CLOCK: variants seen among roughly 807,000 people sequenced by gnomAD.
CLOCK encodes clock circadian regulator.
CLOCK carries 43 observed loss-of-function variants against 118.4 expected under a neutral mutation model. That is an observed-to-expected ratio of 0.36 (90% CI 0.28 to 0.47). The LOEUF (loss-of-function observed/expected upper bound fraction) is 0.47, where lower values mean the gene tolerates loss of function less well. CLOCK is among the 20% of genes least tolerant of loss of function. The probability of loss-of-function intolerance (pLI) is 1.00; values close to 1 mark genes in which losing one functional copy is unlikely to be tolerated. For missense variants in CLOCK, 846 were observed against 999.9 expected, an observed-to-expected ratio of 0.85 and a Z score of 2.08; for synonymous variants, 326 against 339.2, an observed-to-expected ratio of 0.96 and a Z score of 0.43.
At chr4:55,498,480 T>C (rs1263467170) in intron 2 of CLOCK, among the ~76,000 whole-genome samples, 2 of 152,146 alleles carry the variant, frequency 1.3e-5, no homozygotes, top group Non-Finnish European at 2.9e-5. Flanking sequence ...TAGGAAAAAA[T>C]GTAATCCCTT....
At chr4:55,459,794 G>A (rs959439963) in intron 9 of CLOCK, among the ~76,000 whole-genome samples, 7 of 151,928 alleles carry the variant, frequency 4.6e-5, no homozygotes, top group African/African-American at 7.3e-5. Flanking sequence ...TCCCAAGTAC[G>A]CAAGACTACA....
chr4:55,457,684 C>A (rs1043260482), intron 11 of CLOCK, among the ~76,000 whole-genome samples: 1 of 152,216 alleles, frequency 6.6e-6, no homozygotes, highest in Non-Finnish European at 1.5e-5. Flanking sequence ...TAACCCTAGA[C>A]TCTAGTCATA....
At position 55,534,108 on chromosome 4, in the gene CLOCK, G is replaced by T. The variant is rs576133081; in HGVS notation, c.-290+12674C>A. Among the ~76,000 whole-genome samples, 5 of 152,252 alleles carry T rather than the reference G, an allele frequency of 3.3e-5. No homozygotes were observed. The East Asian group carries it at 7.7e-4, about 24-fold the overall frequency. ...ATTTGTTTGCCATTTAATCTAGCTT[G>T]TACTACCCTATGATTAACAGCACTG... On this transcript the variant is annotated intron_variant, in intron 1 of 22. Coordinates refer to ENST00000513440, the MANE Select transcript of CLOCK (RefSeq NM_004898.4).
intron 1 of CLOCK, among the ~76,000 whole-genome samples, chr4:55,542,053 C>A (rs1731302316): frequency 6.6e-6 from 1 of 151,178 alleles, no homozygotes; most frequent in African/African-American, 2.4e-5. Context: ...AATGTCTATG[C>A]TTTTCAGTTG....
At chr4:55,466,446 T>C (rs1029864801) in intron 8 of CLOCK, among the ~76,000 whole-genome samples, 7 of 152,298 alleles carry the variant, frequency 4.6e-5, no homozygotes, top group East Asian at 3.9e-4. Context: ...ATCATCTTAA[T>C]AGAAAAACAT....
At chr4:55,475,934 A>C in intron 7 of CLOCK, 29 bp downstream of exon 7, 6 of 1,509,562 alleles carry the variant, frequency 4.0e-6, no homozygotes, top group Non-Finnish European at 5.5e-6. Flanking sequence ...GAGGAAAATA[A>C]AACTTTCAAA....
chr4:55,530,539 C>T (rs1287271202), intron 1 of CLOCK, among the ~76,000 whole-genome samples: 1 of 151,728 alleles, frequency 6.6e-6, no homozygotes, highest in Non-Finnish European at 1.5e-5. Context: ...CTTTGGGAGG[C>T]CGAGGAGGGT....
At chr4:55,459,956 G>T (rs1428489803) in intron 9 of CLOCK, among the ~76,000 whole-genome samples, 1 of 152,176 alleles carries the variant, frequency 6.6e-6, no homozygotes, top group Admixed American at 6.5e-5. Flanking sequence ...ACCTGGCCAA[G>T]GGTCCTTACT....
At chr4:55,509,350 A>G (rs958186305) in intron 2 of CLOCK, among the ~76,000 whole-genome samples, 1 of 152,246 alleles carries the variant, frequency 6.6e-6, no homozygotes, top group Non-Finnish European at 1.5e-5. Flanking sequence ...TAAAAATTAA[A>G]TTTCATATAA....
intron 8 of CLOCK, among the ~76,000 whole-genome samples, chr4:55,466,079 G>A (rs1725718118): frequency 6.6e-6 from 1 of 152,160 alleles, no homozygotes; most frequent in African/African-American, 2.4e-5. Flanking sequence ...TGGTTTGGCT[G>A]TGTCCCCACC....
intron 21 of CLOCK, among the ~76,000 whole-genome samples, chr4:55,440,962 T>C (rs1201913936): frequency 1.3e-5 from 2 of 151,540 alleles, no homozygotes; most frequent in African/African-American, 2.4e-5. Flanking sequence ...ATGAAACTGC[T>C]TACAAAAACA....
intron 1 of CLOCK, among the ~76,000 whole-genome samples, chr4:55,510,599 C>T (rs1009068883): frequency 1.4e-5 from 2 of 143,688 alleles, no homozygotes; most frequent in African/African-American, 5.3e-5. Flanking sequence ...TGCACTCCAG[C>T]CTGGGCGACA....
chr4:55,496,482 AC>A (rs1257075573), intron 2 of CLOCK, among the ~76,000 whole-genome samples: 5 of 152,194 alleles, frequency 3.3e-5, no homozygotes, highest in Admixed American at 2.0e-4. Context: ...CCTTTTGACC[AC>A]TGAGTCCTTT....
In CLOCK at chr4:55,544,436, A is replaced by T. The variant is rs753300488; in HGVS notation, c.-290+2346T>A. Among the ~76,000 whole-genome samples the T allele has an allele frequency of 7.9e-5, 12 of 152,342 alleles. No homozygotes were observed. In the South Asian group the frequency reaches 2.5e-3, roughly 32 times the overall value. The stretch of plus-strand genomic sequence containing the variant: ...CAAACTACACTCTGAAAGCAGCATA[A>T]TCCAGCCATAATGCCAAATGTAAAC... On this transcript the variant is annotated intron_variant, in intron 1 of 22. Coordinates refer to ENST00000513440, the MANE Select transcript of CLOCK (RefSeq NM_004898.4).
At chr4:55,470,694 G>A (rs1362991755) in intron 8 of CLOCK, 23 bp downstream of exon 8, 3 of 1,473,970 alleles carry the variant, frequency 2.0e-6, no homozygotes, top group African/African-American at 2.8e-5. Context: ...ATACGAAGTA[G>A]ATTGTAGGAT....
At chr4:55,471,843 C>T (rs745316187) in intron 7 of CLOCK, among the ~76,000 whole-genome samples, 11 of 152,196 alleles carry the variant, frequency 7.2e-5, no homozygotes, top group African/African-American at 9.6e-5. Context: ...GAAGCCAAGG[C>T]GGGAAGATCA....
chr4:55,497,223 C>T (rs759297941), intron 2 of CLOCK, among the ~76,000 whole-genome samples: 1 of 152,140 alleles, frequency 6.6e-6, no homozygotes, highest in South Asian at 2.1e-4. Context: ...AGAGGCCACC[C>T]GTATTCTTTA....
chr4:55,463,149 A>AT (rs1161545374), intron 9 of CLOCK, among the ~76,000 whole-genome samples: 1 of 152,148 alleles, frequency 6.6e-6, no homozygotes, highest in Non-Finnish European at 1.5e-5. Flanking sequence ...CTTGATGGTG[A>AT]TAACTATTTT....
intron 13 of CLOCK, 54 bp from the exon 14 acceptor site, chr4:55,453,878 G>GT: frequency 7.5e-7 from 1 of 1,329,910 alleles, no homozygotes; most frequent in Non-Finnish European, 1.0e-6. Context: ...TATAAAGATT[G>GT]TTTTTTAACC....
Sources: allele counts gnomAD v4.1 joint callset (sites outside exome capture counted in the v4.1 genomes callset), GRCh38; gene constraint gnomAD v4.1.1; transcripts MANE v1.5; gene names NCBI Gene and HGNC (gene_info 2026-07-23, HGNC 2026-07-21).